TTBK1: variants seen among roughly 807,000 people sequenced by gnomAD.
The protein encoded by TTBK1 is tau tubulin kinase 1.
TTBK1 carries 34 observed loss-of-function variants against 108.5 expected under a neutral mutation model. The observed-to-expected ratio is 0.31, with a 90% CI of 0.24 to 0.42. The LOEUF (loss-of-function observed/expected upper bound fraction) is 0.42. Among genes scored for constraint, TTBK1 ranks in the 10% least tolerant of loss-of-function variants. The pLI is 1.00. For synonymous variants in TTBK1, 809 were observed against 795.1 expected, an observed-to-expected ratio of 1.02 and a Z score of -0.29; for missense variants, 1,539 against 1,826.0, an observed-to-expected ratio of 0.84 and a Z score of 2.86.
At position 43,269,770 on chromosome 6, in the gene TTBK1, C is replaced by T; in HGVS notation, c.1986+6420C>T. ...TACCCTCACCCCGGCGGCGGCGGCT[C>T]CTCGGGCTCCTCCGGTTCCCTCATT... On this transcript the variant is annotated intron_variant, in intron 13 of 14. Coordinates refer to ENST00000259750, the MANE Select transcript of TTBK1 (RefSeq NM_032538.3). This position sits in a 1 kb window ranked among gnomAD's most constrained non-coding sequence, Gnocchi z 4.8. 4 of 1,588,978 alleles carry T rather than the reference C, an allele frequency of 2.5e-6. No individual in the cohort carries two copies. The highest frequency in any genetic ancestry group is 2.2e-5 in the South Asian group (2 of 88,898).
intron 12 of TTBK1, among the ~76,000 whole-genome samples, chr6:43,261,917 C>T (rs572662123): frequency 6.6e-6 from 1 of 152,062 alleles, no homozygotes; most frequent in African/African-American, 2.4e-5. Context: ...GCAGAGCTCA[C>T]AGTCTCTTGG....
intron 13 of TTBK1, among the ~76,000 whole-genome samples, chr6:43,279,872 C>T (rs1778107465): frequency 6.6e-6 from 1 of 151,780 alleles, no homozygotes; most frequent in Non-Finnish European, 1.5e-5. Context: ...CTCAGCCTCT[C>T]GAGTAGCTGG....
chr6:43,285,564 TGGGGGACGCGGCCCCGCGCCGC>T lies in TTBK1; in HGVS notation c.*193_*214del, dbSNP rs1484805924. Reference sequence around the variant, plus strand: ...GCGCCCCGCCAGGCCTTAGGGCCCGTGGGGGACGCGGCCCCGCGCCGCGGGGAGGGTCTGCCTCCCCTTCCTC... The same window carrying T: ...GCGCCCCGCCAGGCCTTAGGGCCCGTGGGGAGGGTCTGCCTCCCCTTCCTC... On this transcript the variant is annotated 3_prime_UTR_variant, in exon 15 of 15. Transcript: ENST00000259750. The surrounding 1 kb of genome is among the most constrained non-coding windows in gnomAD (Gnocchi z 4.7). 1 of 689,646 alleles carries T rather than the reference TGGGGGACGCGGCCCCGCGCCGC, an allele frequency of 1.5e-6. No homozygotes were observed. The highest frequency in any genetic ancestry group is 7.5e-5 in the South Asian group (1 of 13,372). The allele number at this position is 689,646 out of a possible 1,614,324, so 42.7% of individuals were successfully genotyped here.
Position 43,282,876 on chromosome 6 carries a change from C to T in TTBK1, c.2136C>T (p.His712=), listed in dbSNP as rs1203555090. Residue 712 remains histidine, a synonymous_variant, in exon 14 of 15, where the codon CAC becomes CAT. Transcript: ENST00000259750. This position sits in a 1 kb window ranked among gnomAD's most constrained non-coding sequence, Gnocchi z 5.4. The part of the protein sequence containing the change: ...LNRVRRVGFS[H]MLLTTPQVPL... The stretch of plus-strand genomic sequence containing the variant: ...GGGTCCGGAGGGTGGGCTTCTCGCA[C>T]ATGCTGCTCACCACCCCCCAGGTCC... The T allele has an allele frequency of 1.2e-6, 2 of 1,613,994 alleles. No homozygotes were observed. Among genetic ancestry groups the T allele is most frequent in the Non-Finnish European group, 1.7e-6 (2 of 1,179,980 alleles).
intron 9 of TTBK1, among the ~76,000 whole-genome samples, chr6:43,256,272 A>C (rs1015034287): frequency 6.6e-6 from 1 of 151,866 alleles, no homozygotes; most frequent in East Asian, 2.0e-4. Flanking sequence ...AGTAGCTGGG[A>C]CTACAGGCAC....
Position 43,263,620 on chromosome 6 carries a change from C to T in TTBK1, c.1986+270C>T, listed in dbSNP as rs9462883. ...GGCAGGAGAAGGGCCTCGCAGGCCACGGGCACAGTGTTTTGCACAGGCCGG... is the reference window on the plus strand; with the variant it reads ...GGCAGGAGAAGGGCCTCGCAGGCCATGGGCACAGTGTTTTGCACAGGCCGG... On this transcript the variant is annotated intron_variant, in intron 13 of 14. Transcript: ENST00000259750. This position sits in a 1 kb window ranked among gnomAD's most constrained non-coding sequence, Gnocchi z 4.7. Among the ~76,000 whole-genome samples the T allele has an allele frequency of 0.053, 8,114 of 152,202 alleles. 736 individuals carry two copies. The highest frequency in any genetic ancestry group is 0.18 in the African/African-American group (7,643 of 41,488).
At chr6:43,278,604 C>A (rs1433016895) in intron 13 of TTBK1, among the ~76,000 whole-genome samples, 1 of 152,170 alleles carries the variant, frequency 6.6e-6, no homozygotes, top group African/African-American at 2.4e-5. Context: ...AGATTAGAAT[C>A]ATAAAGGTTG....
chr6:43,281,499 G>T (rs531227656), intron 13 of TTBK1, among the ~76,000 whole-genome samples: 6 of 152,266 alleles, frequency 3.9e-5, no homozygotes, highest in African/African-American at 1.4e-4. Flanking sequence ...GATGTAAAAA[G>T]GATGGACGGC....
intron 12 of TTBK1, among the ~76,000 whole-genome samples, chr6:43,261,471 T>C (rs1419277135): frequency 6.6e-6 from 1 of 152,174 alleles, no homozygotes; most frequent in African/African-American, 2.4e-5. Context: ...GGGGCTGGCA[T>C]GACCCCAAGT....
intron 13 of TTBK1, chr6:43,272,055 T>C (rs577307365): frequency 1.0e-6 from 1 of 985,456 alleles, no homozygotes; most frequent in East Asian, 1.1e-4. Context: ...GGCTGAACAG[T>C]GGCCCCACTC....
At chr6:43,255,158 GCAAGGTCGGGGTGCAGTGTGCTGCT>G in intron 7 of TTBK1, 44 bp downstream of exon 7, 1 of 1,305,712 alleles carries the variant, frequency 7.7e-7, no homozygotes, top group Non-Finnish European at 1.1e-6. Context: ...GGTGGGAGGG[GCAAGGTCGGGGTGCAGTGTGCTGCT>G]GGGGAGGGGT....
At position 43,246,651 on chromosome 6, in the gene TTBK1, T is replaced by C; in HGVS notation, c.-10T>C. 1 of 1,590,828 alleles carries C rather than the reference T, an allele frequency of 6.3e-7. No individual in the cohort carries two copies. The highest frequency in any genetic ancestry group is 8.6e-7 in the Non-Finnish European group (1 of 1,167,194). On this transcript the variant is annotated 5_prime_UTR_variant, in exon 2 of 15. Transcript: ENST00000259750. ...CAGGCCCGGCGGACACCCCTCCCTCTGGCTGGCGGATGCAGTGCCTAGCGG... is the reference window on the plus strand; with the variant it reads ...CAGGCCCGGCGGACACCCCTCCCTCCGGCTGGCGGATGCAGTGCCTAGCGG...
In TTBK1 at chr6:43,257,575, G is replaced by C. The variant is rs1226141034; in HGVS notation, c.862-237G>C. Among the ~76,000 whole-genome samples the C allele has an allele frequency of 2.6e-5, 4 of 152,150 alleles. No homozygotes were observed. Among genetic ancestry groups the C allele is most frequent in the Non-Finnish European group, 5.9e-5 (4 of 68,020 alleles). On this transcript the variant is annotated intron_variant, in intron 9 of 14. Coordinates refer to ENST00000259750, the MANE Select transcript of TTBK1 (RefSeq NM_032538.3). This position sits in a 1 kb window ranked among gnomAD's most constrained non-coding sequence, Gnocchi z 4.5. Reference sequence around the variant, plus strand: ...TGGTAACCAGGGGACAGATCTCAGAGGGTTCATGTCCAGTCAGTGGGGCTT... The same window carrying C: ...TGGTAACCAGGGGACAGATCTCAGACGGTTCATGTCCAGTCAGTGGGGCTT...
At position 43,276,683 on chromosome 6, in the gene TTBK1, T is replaced by G. The variant is rs1562096666; in HGVS notation, c.1987-6044T>G. Among the ~76,000 whole-genome samples the G allele has an allele frequency of 6.6e-6, 1 of 152,254 alleles. No individual in the cohort carries two copies. The highest frequency in any genetic ancestry group is 1.9e-4 in the East Asian group (1 of 5,206). On this transcript the variant is annotated intron_variant, in intron 13 of 14. Transcript: ENST00000259750. The surrounding 1 kb of genome is among the most constrained non-coding windows in gnomAD (Gnocchi z 5.4). ...CAGGAACCTGCGCCTCCGCCTGCTT[T>G]CTTTCACCCTCCCCCTTCCTTTCCC...
intron 13 of TTBK1, chr6:43,271,263 C>A (rs571736334): frequency 1.0e-6 from 1 of 985,458 alleles, no homozygotes; most frequent in Non-Finnish European, 1.2e-6. Flanking sequence ...TGTGTGCATG[C>A]GCGTACACTT....
intron 13 of TTBK1, chr6:43,272,323 C>A (rs1173981269): frequency 1.0e-6 from 1 of 985,360 alleles, no homozygotes; most frequent in African/African-American, 1.7e-5. Flanking sequence ...CCCTGAGGTA[C>A]TCTAAGATCC....
At position 43,259,516 on chromosome 6, in the gene TTBK1, T is replaced by TCCC. The variant is rs750912767; in HGVS notation, c.1249-13_1249-11dup. On this transcript the variant is annotated splice_polypyrimidine_tract_variant and intron_variant, in intron 11 of 14. Coordinates refer to ENST00000259750, the MANE Select transcript of TTBK1 (RefSeq NM_032538.3). This position sits in a 1 kb window ranked among gnomAD's most constrained non-coding sequence, Gnocchi z 6.7. Reference sequence around the variant, plus strand: ...CCTCATCAGCCCCAGCTCATGGCACTCCCCTCTCCTGCAGAGCCCCTGTGT... The same window carrying TCCC: ...CCTCATCAGCCCCAGCTCATGGCACTCCCCCCCTCTCCTGCAGAGCCCCTGTGT... 108 of 1,546,332 alleles carry TCCC rather than the reference T, an allele frequency of 7.0e-5. No homozygotes were observed. Among genetic ancestry groups the TCCC allele is most frequent in the Non-Finnish European group, 8.6e-5 (99 of 1,149,364 alleles).
rs1777599698 is a variant in TTBK1, at chr6:43,263,404, G to A, written c.1986+54G>A. The A allele has an allele frequency of 2.1e-6, 3 of 1,432,166 alleles. No individual in the cohort carries two copies. Among genetic ancestry groups the A allele is most frequent in the African/African-American group, 1.4e-5 (1 of 69,122 alleles). 88.7% of individuals were successfully genotyped at this position (1,432,166 alleles called of 1,614,324 possible). ...ATCTCCAGATGCCCAGAGTCCTGGT[G>A]TGTAGGCCTGGGGTGCTCCATGTGT... On this transcript the variant is annotated intron_variant, in intron 13 of 14. Transcript: ENST00000259750. This position sits in a 1 kb window ranked among gnomAD's most constrained non-coding sequence, Gnocchi z 4.7.
chr6:43,263,262 C>T lies in TTBK1; in HGVS notation c.1898C>T (p.Pro633Leu). Reference sequence around the variant, plus strand: ...GGCCGTTCCGAGACGTCACAGCCCCCCACGCCTGGCAGCCCTTCCCACTCA... The same window carrying T: ...GGCCGTTCCGAGACGTCACAGCCCCTCACGCCTGGCAGCCCTTCCCACTCA... ...GDGRSETSQP[P>L]TPGSPSHSPL... Residue 633 changes from proline to leucine, a missense_variant, in exon 13 of 15, where the codon CCC (proline) becomes CTC (leucine). By Grantham distance (98) the Pro-to-Leu change is moderately conservative (BLOSUM62 -3). Coordinates refer to ENST00000259750, the MANE Select transcript of TTBK1 (RefSeq NM_032538.3). This position sits in a 1 kb window ranked among gnomAD's most constrained non-coding sequence, Gnocchi z 4.7. The T allele has an allele frequency of 8.4e-6, 13 of 1,541,670 alleles. No individual in the cohort carries two copies. The highest frequency in any genetic ancestry group is 9.6e-6 in the Non-Finnish European group (11 of 1,141,942).
Sources: gnomAD v4.1 joint callset for allele counts (sites outside exome capture counted in the v4.1 genomes callset) on GRCh38, gnomAD v4.1.1 for gene constraint, Gnocchi (gnomAD v3.1) non-coding constraint, MANE v1.5 for transcripts, NCBI Gene and HGNC (gene_info 2026-07-23, HGNC 2026-07-21) for gene names.